The following PHLDB2 variants were observed in gnomAD, a reference collection of about 807,000 sequenced individuals.
The protein encoded by PHLDB2 is pleckstrin homology-like domain family B member 2.
In PHLDB2, 71 loss-of-function variants were observed where a neutral mutation model predicts 123.6. The observed-to-expected ratio is 0.57, with a 90% confidence interval of 0.47 to 0.70. PHLDB2 has a LOEUF of 0.70. Among genes scored for constraint, PHLDB2 ranks in the 30% least tolerant of loss-of-function variants. PHLDB2 has a pLI of 0.00. For missense variants in PHLDB2, 1,446 were observed against 1,519.5 expected (o/e 0.95, Z 0.80); for synonymous variants, 547 against 541.6 (o/e 1.01, Z -0.14).
At chr3:111,843,466 C>A (rs2063789601) in intron 1 of PHLDB2, among the ~76,000 whole-genome samples, 1 of 152,236 alleles carries the variant, frequency 6.6e-6, no homozygotes, top group Admixed American at 6.5e-5. Context: ...TCAGAGCTCA[C>A]TGCAGCTCTT....
In PHLDB2 at chr3:111,871,506, T is replaced by C. The variant is rs544581520; in HGVS notation, c.-15+11930T>C. 1.6e-3 allele frequency among the ~76,000 whole-genome samples: 227 copies of C among 144,260 alleles called. 1 individual carries two copies. Among genetic ancestry groups the C allele is most frequent in the Non-Finnish European group, 1.3e-3 (85 of 65,616 alleles). The allele number at this position is 144,260 out of a possible 152,430, so 94.6% of individuals were successfully genotyped here. On this transcript the variant is annotated intron_variant, in intron 1 of 17. Transcript: ENST00000431670. Reference sequence around the variant, plus strand: ...CTACAAAAAGTACAAAAAAAAAAAATAGCCAGGTGTGGTGGCCCATGCCTG... The same window carrying C: ...CTACAAAAAGTACAAAAAAAAAAAACAGCCAGGTGTGGTGGCCCATGCCTG...
intron 2 of PHLDB2, among the ~76,000 whole-genome samples, chr3:111,906,175 A>G (rs998347103): frequency 2.6e-5 from 4 of 152,378 alleles, no homozygotes; most frequent in Admixed American, 2.0e-4. Context: ...CTAGGTGTGT[A>G]GTAGGCTAAT....
chr3:111,900,070 T>A (rs543570845), intron 2 of PHLDB2, among the ~76,000 whole-genome samples: 7 of 152,248 alleles, frequency 4.6e-5, no homozygotes, highest in Non-Finnish European at 1.0e-4. Context: ...TAGTTACAGA[T>A]TTTTCTTCTG....
chr3:111,885,919 C>T lies in PHLDB2; in HGVS notation c.1335+507C>T, dbSNP rs376613264. On this transcript the variant is annotated intron_variant, in intron 2 of 17. Coordinates refer to ENST00000431670, the MANE Select transcript of PHLDB2 (RefSeq NM_001134438.2). ...TCAGCTTTTCTCCACACTGTTCATA[C>T]ACAACCTTACTATCTTTAGCTCTGA... 5.0e-4 allele frequency: 173 copies of T among 349,478 alleles called. 1 individual carries two copies. Among genetic ancestry groups the T allele is most frequent in the African/African-American group, 3.2e-3 (151 of 47,576 alleles). The allele number at this position is 349,478 out of a possible 1,614,324, so 21.6% of individuals were successfully genotyped here. A position where few individuals can be genotyped will look rare whatever the true frequency, so the allele number is the denominator to read the frequency against.
At chr3:111,918,059 G>A (rs1490224717) in intron 3 of PHLDB2, among the ~76,000 whole-genome samples, 1 of 152,056 alleles carries the variant, frequency 6.6e-6, no homozygotes, top group Non-Finnish European at 1.5e-5. Flanking sequence ...CATTCATACT[G>A]ACATATAGTA....
At chr3:111,959,347 T>G (rs1459832090) in intron 12 of PHLDB2, among the ~76,000 whole-genome samples, 2 of 152,200 alleles carry the variant, frequency 1.3e-5, no homozygotes, top group Admixed American at 6.5e-5. Flanking sequence ...TTCACTGAGG[T>G]CAGTAAAGTG....
At chr3:111,869,253 A>G (rs1361934475) in intron 1 of PHLDB2, among the ~76,000 whole-genome samples, 3 of 152,060 alleles carry the variant, frequency 2.0e-5, no homozygotes, top group African/African-American at 7.2e-5. Flanking sequence ...TTTTATTGTG[A>G]CAGGAAGAAG....
At chr3:111,948,641 A>G (rs934519932) in intron 9 of PHLDB2, among the ~76,000 whole-genome samples, 2 of 152,214 alleles carry the variant, frequency 1.3e-5, no homozygotes, top group Non-Finnish European at 2.9e-5. Context: ...CAACAGAATG[A>G]ATGCTGATAC....
chr3:111,936,913 T>C (rs1337176243), intron 6 of PHLDB2, among the ~76,000 whole-genome samples: 1 of 152,228 alleles, frequency 6.6e-6, no homozygotes, highest in Non-Finnish European at 1.5e-5. Context: ...AAACAGAAGA[T>C]ATTGTTTTAA....
intron 6 of PHLDB2, among the ~76,000 whole-genome samples, chr3:111,937,788 TTAA>T (rs1473290316): frequency 7.3e-6 from 1 of 136,702 alleles, no homozygotes; most frequent in African/African-American, 2.7e-5. Context: ...AAAAAAAAAA[TTAA>T]AAAAAAAAAA....
chr3:111,814,628 T>TAA (rs35877984), intron 1 of PHLDB2, among the ~76,000 whole-genome samples: 9,289 of 142,096 alleles, frequency 0.065, 406 homozygotes, highest in South Asian at 0.17. Flanking sequence ...AGTATTTATT[T>TAA]AAAAAAAAAA....
chr3:111,970,925 C>A (rs1468700341), intron 16 of PHLDB2, among the ~76,000 whole-genome samples: 1 of 152,150 alleles, frequency 6.6e-6, no homozygotes, highest in African/African-American at 2.4e-5. Context: ...AGAAACCAAG[C>A]AGCCTGTGGA....
At chr3:111,798,410 T>C (rs1425512458) in intron 1 of PHLDB2, among the ~76,000 whole-genome samples, 1 of 152,212 alleles carries the variant, frequency 6.6e-6, no homozygotes, top group Non-Finnish European at 1.5e-5. Context: ...TTTTGGTATG[T>C]TCTAGGCTTC....
chr3:111,870,304 G>A (rs955373307), intron 1 of PHLDB2, among the ~76,000 whole-genome samples: 11 of 152,142 alleles, frequency 7.2e-5, no homozygotes, highest in Non-Finnish European at 1.6e-4. Flanking sequence ...GTGGACAGGT[G>A]AGGGTTGTTT....
At chr3:111,826,735 G>A (rs748978840) in intron 1 of PHLDB2, among the ~76,000 whole-genome samples, 1 of 152,178 alleles carries the variant, frequency 6.6e-6, no homozygotes, top group Non-Finnish European at 1.5e-5. Flanking sequence ...TGCCAGGGGA[G>A]GTGTAGTCAT....
chr3:111,925,886 T>G (rs1346716297), intron 5 of PHLDB2, among the ~76,000 whole-genome samples: 1 of 152,272 alleles, frequency 6.6e-6, no homozygotes, highest in Non-Finnish European at 1.5e-5. Context: ...TTATGGATTA[T>G]CTGTTTTATC....
chr3:111,828,642 G>A (rs980560744), intron 1 of PHLDB2, among the ~76,000 whole-genome samples: 1 of 152,098 alleles, frequency 6.6e-6, no homozygotes, highest in Non-Finnish European at 1.5e-5. Flanking sequence ...TTAGCCGGGT[G>A]TGGTGGTGTG....
chr3:111,961,487 T>A (rs190748722), intron 12 of PHLDB2, among the ~76,000 whole-genome samples: 1 of 152,200 alleles, frequency 6.6e-6, no homozygotes, highest in East Asian at 1.9e-4. Context: ...GCACAGTCAT[T>A]GGAAGGAATG....
intron 12 of PHLDB2, among the ~76,000 whole-genome samples, chr3:111,956,802 A>G (rs147187829): frequency 3.3e-4 from 51 of 152,330 alleles, no homozygotes; most frequent in African/African-American, 1.1e-3. Context: ...CAAAAAACCC[A>G]GGAGGGATGG....
Sources: gnomAD v4.1 joint callset for allele counts (sites outside exome capture counted in the v4.1 genomes callset) on GRCh38, gnomAD v4.1.1 for gene constraint, MANE v1.5 for transcripts, NCBI Gene and HGNC (gene_info 2026-07-23, HGNC 2026-07-21) for gene names.